IGF1: variants seen among roughly 807,000 people sequenced by gnomAD.
IGF1 encodes the protein insulin like growth factor 1.
In IGF1, 4 loss-of-function variants were observed where a neutral mutation model predicts 13.8. The observed-to-expected ratio is 0.29, with a 90% CI of 0.14 to 0.66. IGF1 has a LOEUF of 0.66. Ranked by LOEUF, IGF1 falls within the 30% of genes least tolerant of loss-of-function variation. IGF1 has a pLI of 0.78. For missense variants in IGF1, 124 were observed against 188.5 expected, an observed-to-expected ratio of 0.66 and a Z score of 2.00; for synonymous variants, 76 against 72.6, an observed-to-expected ratio of 1.05 and a Z score of -0.23.
chr12:102,458,205 G>A (rs1239523375), intron 2 of IGF1, among the ~76,000 whole-genome samples: 12 of 152,078 alleles, frequency 7.9e-5, no homozygotes, highest in Admixed American at 5.9e-4. Flanking sequence ...TGCAGCATAC[G>A]GAGTTCTTTC....
chr12:102,477,196 A>G (rs1408564911), intron 1 of IGF1, among the ~76,000 whole-genome samples: 1 of 151,714 alleles, frequency 6.6e-6, no homozygotes, highest in Non-Finnish European at 1.5e-5. Context: ...GTGGCTCTAT[A>G]TCAGTGGCAA....
chr12:102,444,979 T>G (rs1381357233), intron 2 of IGF1, among the ~76,000 whole-genome samples: 1 of 152,070 alleles, frequency 6.6e-6, no homozygotes, highest in Non-Finnish European at 1.5e-5. Flanking sequence ...CCCAACATCA[T>G]TTATTAAATA....
intron 1 of IGF1, among the ~76,000 whole-genome samples, chr12:102,477,808 A>T (rs569961274): frequency 6.6e-6 from 1 of 152,148 alleles, no homozygotes; most frequent in Non-Finnish European, 1.5e-5. Flanking sequence ...GATGCCTTCA[A>T]GTTCTTCAGT....
At chr12:102,432,196 T>G (rs1876798061) in intron 2 of IGF1, among the ~76,000 whole-genome samples, 1 of 152,186 alleles carries the variant, frequency 6.6e-6, no homozygotes, top group Non-Finnish European at 1.5e-5. Flanking sequence ...ATTGTAAGCG[T>G]TTCCCATATT....
chr12:102,466,848 G>A (rs1488367087), intron 2 of IGF1, among the ~76,000 whole-genome samples: 1 of 152,180 alleles, frequency 6.6e-6, no homozygotes, highest in Non-Finnish European at 1.5e-5. Flanking sequence ...TGAGGCTGCA[G>A]TGAGCTTTGT....
intron 2 of IGF1, among the ~76,000 whole-genome samples, chr12:102,461,311 C>T (rs577510191): frequency 6.6e-6 from 1 of 152,040 alleles, no homozygotes; most frequent in Non-Finnish European, 1.5e-5. Flanking sequence ...GAATGACCCT[C>T]GTAAAGACCC....
chr12:102,417,111 G>GAA (rs1374523900), intron 3 of IGF1, among the ~76,000 whole-genome samples: 4 of 152,184 alleles, frequency 2.6e-5, no homozygotes, highest in Non-Finnish European at 1.5e-5. Context: ...CCAGAACTAT[G>GAA]AAAAAATCAA....
At chr12:102,417,334 A>G (rs1412210333) in intron 3 of IGF1, among the ~76,000 whole-genome samples, 1 of 152,194 alleles carries the variant, frequency 6.6e-6, no homozygotes, top group Admixed American at 6.5e-5. Flanking sequence ...GCAGCCTCCA[A>G]TGACATTGCG....
chr12:102,466,743 A>G (rs1880360492), intron 2 of IGF1, among the ~76,000 whole-genome samples: 1 of 152,140 alleles, frequency 6.6e-6, no homozygotes, highest in South Asian at 2.1e-4. Context: ...CTCTACAAAA[A>G]AATACAAAAG....
chr12:102,414,588 AT>A (rs1280177445), intron 3 of IGF1, among the ~76,000 whole-genome samples: 3 of 151,752 alleles, frequency 2.0e-5, no homozygotes, highest in Middle Eastern at 3.4e-3. Flanking sequence ...TGCCCAGGTA[AT>A]TTTTTTGTAT....
At chr12:102,417,820 A>C (rs202145836) in intron 3 of IGF1, 1 of 1,612,450 alleles carries the variant, frequency 6.2e-7, no homozygotes, top group East Asian at 2.2e-5. Flanking sequence ...CCTGTCCTTC[A>C]TTTTCCTTTT....
At chr12:102,433,035 A>G (rs1876880796) in intron 2 of IGF1, among the ~76,000 whole-genome samples, 1 of 152,178 alleles carries the variant, frequency 6.6e-6, no homozygotes, top group Admixed American at 6.5e-5. Context: ...TGCATCCTAA[A>G]TAACAAAGGC....
intron 2 of IGF1, among the ~76,000 whole-genome samples, chr12:102,452,918 G>T (rs1047409552): frequency 6.6e-6 from 1 of 152,132 alleles, no homozygotes; most frequent in East Asian, 1.9e-4. Context: ...TCTGGAAATT[G>T]CTGGGTTAGC....
intron 3 of IGF1, among the ~76,000 whole-genome samples, chr12:102,412,164 C>A (rs17879867): frequency 3.6e-3 from 543 of 152,230 alleles, no homozygotes; most frequent in African/African-American, 0.012. Context: ...ATTTCCACCC[C>A]TCCAATAATG....
chr12:102,400,547 A>G lies in IGF1; in HGVS notation c.*1960T>C, dbSNP rs941795772. ...GGAAACTCTAGTCAAGCATATTTTA[A>G]CAAACTTTTAAAAAAATGTATATAC... is the stretch of plus-strand genomic sequence containing the variant. On this transcript the variant is annotated 3_prime_UTR_variant, in exon 4 of 4. Transcript: ENST00000337514. 1 of 152,174 alleles carries G rather than the reference A, an allele frequency of 6.6e-6. No homozygotes were observed. Among genetic ancestry groups the G allele is most frequent in the Non-Finnish European group, 1.5e-5 (1 of 68,028 alleles). 9.4% of individuals were successfully genotyped at this position (152,174 alleles called of 1,614,324 possible). A position where few individuals can be genotyped will look rare whatever the true frequency, so the allele number is the denominator to read the frequency against.
In IGF1 at chr12:102,402,313, T is replaced by G; in HGVS notation, c.*194A>C. The G allele has an allele frequency of 1.6e-6, 1 of 611,840 alleles. No homozygotes were observed. The highest frequency in any genetic ancestry group is 3.0e-6 in the Non-Finnish European group (1 of 338,460). The allele number at this position is 611,840 out of a possible 1,614,324, so 37.9% of individuals were successfully genotyped here. A position where few individuals can be genotyped will look rare whatever the true frequency, so the allele number is the denominator to read the frequency against. ...CAGCAATCTACCAACTCCAGGACCA[T>G]TTTTGCAAGGTGCAAATCACTCCTA... On this transcript the variant is annotated 3_prime_UTR_variant, in exon 4 of 4. Transcript: ENST00000337514.
At chr12:102,413,272 C>T (rs1874798745) in intron 3 of IGF1, among the ~76,000 whole-genome samples, 1 of 152,176 alleles carries the variant, frequency 6.6e-6, no homozygotes, top group Non-Finnish European at 1.5e-5. Context: ...AAAGTCAACT[C>T]TGTGTTATCT....
At chr12:102,411,789 A>G (rs976937166) in intron 3 of IGF1, among the ~76,000 whole-genome samples, 2 of 152,186 alleles carry the variant, frequency 1.3e-5, no homozygotes, top group Non-Finnish European at 2.9e-5. Context: ...AAATAAATGA[A>G]TGTTCCTTTA....
intron 3 of IGF1, among the ~76,000 whole-genome samples, chr12:102,409,309 G>C (rs967552176): frequency 6.6e-6 from 1 of 152,194 alleles, no homozygotes; most frequent in Non-Finnish European, 1.5e-5. Flanking sequence ...TTGATGTTCT[G>C]TAGAGTAAAT....
Sources: gnomAD v4.1 joint callset for allele counts (sites outside exome capture counted in the v4.1 genomes callset) on GRCh38, gnomAD v4.1.1 for gene constraint, MANE v1.5 for transcripts, NCBI Gene and HGNC (gene_info 2026-07-23, HGNC 2026-07-21) for gene names.